The following P3H2 variants were observed in gnomAD, a reference collection of about 807,000 sequenced individuals.
P3H2 encodes leprecan-like 1.
In P3H2, 80 loss-of-function variants were observed where a neutral mutation model predicts 87.0. That is an observed-to-expected ratio of 0.92 (90% confidence interval 0.77 to 1.11). The LOEUF (loss-of-function observed/expected upper bound fraction) is 1.11, where lower values mean the gene tolerates loss of function less well. Ranked by LOEUF, P3H2 falls within the 50% of genes least tolerant of loss-of-function variation. The pLI is 0.00. For missense variants in P3H2, 1,001 were observed against 923.9 expected (o/e 1.08, Z -1.08); for synonymous variants, 367 against 359.3 (o/e 1.02, Z -0.24).
Position 189,984,604 on chromosome 3 carries a change from A to G in P3H2, c.1189-14T>C. The G allele has an allele frequency of 6.7e-7, 1 of 1,503,182 alleles. No individual in the cohort carries two copies. Among genetic ancestry groups the G allele is most frequent in the Non-Finnish European group, 8.9e-7 (1 of 1,123,226 alleles). The allele number at this position is 1,503,182 out of a possible 1,614,324, so 93.1% of individuals were successfully genotyped here. The stretch of plus-strand genomic sequence containing the variant: ...GATCCAATAATTCTGTTTTGAATCG[A>G]GTAAAAAAAAAAATGCAGTAATTTT... On this transcript the variant is annotated splice_polypyrimidine_tract_variant and intron_variant, in intron 6 of 14. Transcript: ENST00000319332.
intron 1 of P3H2, among the ~76,000 whole-genome samples, chr3:190,051,155 A>T (rs894063309): frequency 6.6e-6 from 1 of 152,218 alleles, no homozygotes; most frequent in Non-Finnish European, 1.5e-5. Flanking sequence ...GACAATGCTA[A>T]TGCCATTTGA....
At chr3:190,014,048 CAATA>C (rs1320215788) in intron 1 of P3H2, among the ~76,000 whole-genome samples, 2 of 151,764 alleles carry the variant, frequency 1.3e-5, no homozygotes, top group African/African-American at 2.4e-5. Flanking sequence ...AAAATATGGA[CAATA>C]AATAGTTGAT....
chr3:190,052,729 ATATC>A (rs367936379), intron 1 of P3H2, among the ~76,000 whole-genome samples: 70 of 152,224 alleles, frequency 4.6e-4, no homozygotes, highest in Middle Eastern at 3.4e-3. Flanking sequence ...ATACACATAC[ATATC>A]TATCTATCTG....
rs1416034433 is a variant in P3H2, at chr3:189,972,878, C to T, written c.1695G>A (p.Leu565=). 6.2e-7 allele frequency: 1 copy of T among 1,614,040 alleles called. No homozygotes were observed. The highest frequency in any genetic ancestry group is 2.2e-5 in the East Asian group (1 of 44,872). The change falls in exon 11 of 15, where the codon CTG becomes CTA. Residue 565 remains leucine, a synonymous_variant. Coordinates refer to ENST00000319332, the MANE Select transcript of P3H2 (RefSeq NM_018192.4). ...SYTHMVCRTA[L]SGQQDRRNDL... ...CATTTCAGACTGCAATCTCACCAGACAGGGCTGTTCGGCAGACCATGTGTG... is the reference window on the plus strand; with the variant it reads ...CATTTCAGACTGCAATCTCACCAGATAGGGCTGTTCGGCAGACCATGTGTG...
At chr3:190,042,728 T>C (rs1014354506) in intron 1 of P3H2, among the ~76,000 whole-genome samples, 1 of 152,230 alleles carries the variant, frequency 6.6e-6, no homozygotes, top group African/African-American at 2.4e-5. Context: ...GCATAGTTAC[T>C]ATTCCCTTTT....
intron 1 of P3H2, among the ~76,000 whole-genome samples, chr3:190,041,687 C>T (rs1406058446): frequency 1.3e-5 from 2 of 152,168 alleles, no homozygotes; most frequent in African/African-American, 4.8e-5. Flanking sequence ...TAGCTAATTT[C>T]TCCCTATTAC....
chr3:189,973,498 T>C, intron 10 of P3H2, among the ~76,000 whole-genome samples: 1 of 61,858 alleles, frequency 1.6e-5, no homozygotes, highest in East Asian at 1.3e-3. Flanking sequence ...CTTTTTTCTT[T>C]CTTTCTTTCT....
rs144901944 is a variant in P3H2 at position 190,109,499 on chromosome 3, G to T, written c.480+10753C>A. On this transcript the variant is annotated intron_variant, in intron 1 of 14. Transcript: ENST00000319332. ...GGTTTGAGAACTTTACAAGGTGAAT[G>T]AGAAATATAGTCATTCTGGAGTTTG... Among the ~76,000 whole-genome samples, 33 of 152,314 alleles carry T rather than the reference G, an allele frequency of 2.2e-4. 1 individual carries two copies. The highest frequency in any genetic ancestry group is 7.7e-4 in the African/African-American group (32 of 41,562).
At position 190,113,952 on chromosome 3, in the gene P3H2, C is replaced by T. The variant is rs372579900; in HGVS notation, c.480+6300G>A. 6.0e-5 allele frequency among the ~76,000 whole-genome samples: 9 copies of T among 149,310 alleles called. No homozygotes were observed. In the East Asian group the frequency reaches 1.2e-3, roughly 20 times the overall value. On this transcript the variant is annotated intron_variant, in intron 1 of 14. Coordinates refer to ENST00000319332, the MANE Select transcript of P3H2 (RefSeq NM_018192.4). ...GAAATTAGCCGGGCGTGGAGGCGGGCGCCTGTAGTCCCAGCTACTCGGGAG... is the reference window on the plus strand; with the variant it reads ...GAAATTAGCCGGGCGTGGAGGCGGGTGCCTGTAGTCCCAGCTACTCGGGAG...
intron 1 of P3H2, among the ~76,000 whole-genome samples, chr3:190,008,428 T>C (rs1460197791): frequency 1.3e-5 from 2 of 152,154 alleles, no homozygotes; most frequent in Non-Finnish European, 2.9e-5. Flanking sequence ...GTATAGAAGA[T>C]AACTATAGGA....
chr3:190,048,863 G>C (rs1725886727), intron 1 of P3H2, among the ~76,000 whole-genome samples: 1 of 152,166 alleles, frequency 6.6e-6, no homozygotes, highest in Admixed American at 6.5e-5. Context: ...TCTCCTTGCT[G>C]TCTCCTGTCT....
intron 13 of P3H2, among the ~76,000 whole-genome samples, chr3:189,966,102 GAAAA>G (rs774742349): frequency 2.8e-5 from 3 of 106,288 alleles, no homozygotes; most frequent in Admixed American, 2.8e-4. Context: ...AAGAAAGAAA[GAAAA>G]AAGAAAGAAA....
At chr3:190,101,549 A>G (rs561780350) in intron 1 of P3H2, among the ~76,000 whole-genome samples, 5 of 152,104 alleles carry the variant, frequency 3.3e-5, no homozygotes, top group Admixed American at 2.6e-4. Context: ...TCAGGGCAAG[A>G]GTCAAACTCT....
chr3:190,007,241 AC>A (rs1724415634), intron 1 of P3H2, among the ~76,000 whole-genome samples: 1 of 152,118 alleles, frequency 6.6e-6, no homozygotes, highest in East Asian at 1.9e-4. Context: ...TTTTGGGGAA[AC>A]CCTTGTACTT....
intron 1 of P3H2, among the ~76,000 whole-genome samples, chr3:190,101,181 A>G (rs1358776491): frequency 6.6e-6 from 1 of 151,956 alleles, no homozygotes; most frequent in Non-Finnish European, 1.5e-5. Context: ...GTCCCCTGAG[A>G]CACAACAACA....
intron 8 of P3H2, among the ~76,000 whole-genome samples, chr3:189,979,201 AC>A (rs2108913264): frequency 6.6e-6 from 1 of 152,198 alleles, no homozygotes; most frequent in Non-Finnish European, 1.5e-5. Context: ...AGGCGAGCAG[AC>A]TGCCTGAGCT....
At chr3:190,067,346 A>G (rs973235558) in intron 1 of P3H2, among the ~76,000 whole-genome samples, 1 of 152,142 alleles carries the variant, frequency 6.6e-6, no homozygotes, top group East Asian at 1.9e-4. Flanking sequence ...GTCTTCATGT[A>G]CCCAGGAACT....
intron 1 of P3H2, among the ~76,000 whole-genome samples, chr3:190,017,617 T>C (rs897016271): frequency 1.3e-5 from 2 of 152,202 alleles, no homozygotes; most frequent in Non-Finnish European, 2.9e-5. Context: ...CGTTATGTGT[T>C]TGCCATCGAG....
rs552192264 is a variant in P3H2 at position 189,960,604 on chromosome 3, G to A, written c.2035-2600C>T. 5.3e-5 allele frequency among the ~76,000 whole-genome samples: 8 copies of A among 152,204 alleles called. No homozygotes were observed. In the East Asian group the frequency reaches 1.4e-3, roughly 26 times the overall value. On this transcript the variant is annotated intron_variant, in intron 14 of 14. Transcript: ENST00000319332. ...ATATCCCTCAAACCACGCATTTGCT[G>A]CTAAGGATTCTTACCAAAACTTGCC... is the stretch of plus-strand genomic sequence containing the variant.
Sources: allele counts gnomAD v4.1 joint callset (sites outside exome capture counted in the v4.1 genomes callset), GRCh38; gene constraint gnomAD v4.1.1; transcripts MANE v1.5; gene names NCBI Gene and HGNC (gene_info 2026-07-23, HGNC 2026-07-21).